The following AGMO variants were observed in gnomAD, a reference collection of about 807,000 sequenced individuals.
The protein encoded by AGMO is glyceryl-ether monooxygenase.
A neutral mutation model predicts 60.2 loss-of-function variants in AGMO; 75 were observed. The ratio of observed to expected loss-of-function variants is 1.25; its 90% CI spans 1.03 to 1.51. The LOEUF (loss-of-function observed/expected upper bound fraction) is 1.51, where lower values mean the gene tolerates loss of function less well. Among genes scored for constraint, AGMO ranks in the 40% most tolerant of loss-of-function variants. AGMO has a pLI of 0.00. For missense variants in AGMO, 763 were observed against 525.5 expected, an observed-to-expected ratio of 1.45 and a Z score of -4.42; for synonymous variants, 261 against 177.1, an observed-to-expected ratio of 1.47 and a Z score of -3.76.
chr7:15,280,698 T>C lies in AGMO; in HGVS notation c.1264-79339A>G, dbSNP rs552652289. On this transcript the variant is annotated intron_variant, in intron 12 of 12. Transcript: ENST00000342526. The stretch of plus-strand genomic sequence containing the variant: ...CCAACCAACACGGTCCATCACAGCA[T>C]CTCTGGGTAGAATAACCTACACCCA... Among the ~76,000 whole-genome samples, 12 of 152,296 alleles carry C rather than the reference T, an allele frequency of 7.9e-5. No homozygotes were observed. The South Asian group carries it at 2.5e-3, about 32-fold the overall frequency.
At chr7:15,273,988 G>A (rs1783701559) in intron 12 of AGMO, among the ~76,000 whole-genome samples, 1 of 152,114 alleles carries the variant, frequency 6.6e-6, no homozygotes, top group South Asian at 2.1e-4. Flanking sequence ...CTGAGACTTT[G>A]CTGAAGTTAC....
chr7:15,313,206 T>A (rs898308033), intron 12 of AGMO, among the ~76,000 whole-genome samples: 5 of 152,222 alleles, frequency 3.3e-5, no homozygotes, highest in Admixed American at 6.5e-5. Flanking sequence ...TGTTTCTCAC[T>A]GATCCCCTGT....
chr7:15,489,496 C>A (rs78682844), intron 3 of AGMO, among the ~76,000 whole-genome samples: 3,898 of 152,214 alleles, frequency 0.026, 73 homozygotes, highest in Middle Eastern at 0.048. Flanking sequence ...GTCCTCCCTC[C>A]AACCTGCACG....
intron 5 of AGMO, among the ~76,000 whole-genome samples, chr7:15,416,272 G>C (rs1780766799): frequency 6.6e-6 from 1 of 151,998 alleles, no homozygotes; most frequent in East Asian, 1.9e-4. Flanking sequence ...GACCTCAGGT[G>C]ATCTGCCCGC....
At chr7:15,453,882 T>G (rs1471763438) in intron 3 of AGMO, among the ~76,000 whole-genome samples, 1 of 150,998 alleles carries the variant, frequency 6.6e-6, no homozygotes, top group Non-Finnish European at 1.5e-5. Context: ...GGATTGTTTT[T>G]AAAATATATA....
intron 12 of AGMO, among the ~76,000 whole-genome samples, chr7:15,265,288 G>A (rs1007195877): frequency 6.6e-6 from 1 of 151,982 alleles, no homozygotes; most frequent in Non-Finnish European, 1.5e-5. Flanking sequence ...TTAGATGGGG[G>A]ATGGAGAGAG....
In AGMO at chr7:15,386,775, T is replaced by C. The variant is rs536064928; in HGVS notation, c.957+631A>G. Among the ~76,000 whole-genome samples, 261 of 152,342 alleles carry C rather than the reference T, an allele frequency of 1.7e-3. 1 individual carries two copies. Among genetic ancestry groups the C allele is most frequent in the Middle Eastern group, 6.8e-3 (2 of 294 alleles). ...TTATTTGATAAGAAATCACAACTTA[T>C]ATTCTAAATGATTAAAAAGCACCTT... On this transcript the variant is annotated intron_variant, in intron 9 of 12. Coordinates refer to ENST00000342526, the MANE Select transcript of AGMO (RefSeq NM_001004320.2).
At chr7:15,376,340 G>A (rs1783449276) in intron 10 of AGMO, among the ~76,000 whole-genome samples, 1 of 151,948 alleles carries the variant, frequency 6.6e-6, no homozygotes, top group African/African-American at 2.4e-5. Context: ...TGTGCAGGTG[G>A]CACTCTCTGC....
the AGMO span, among the ~76,000 whole-genome samples, chr7:15,141,540 C>T: frequency 4.6e-5 from 7 of 152,120 alleles, no homozygotes; most frequent in Non-Finnish European, 7.3e-5. Flanking sequence ...GAGCAGTGAT[C>T]GTGCCACTGT....
At chr7:15,226,452 T>G (rs568637470) in intron 12 of AGMO, among the ~76,000 whole-genome samples, 1 of 152,110 alleles carries the variant, frequency 6.6e-6, no homozygotes, top group African/African-American at 2.4e-5. Context: ...AATGAGAAAA[T>G]AGTAGATACA....
At chr7:15,555,746 A>G (rs1458582297) in intron 2 of AGMO, among the ~76,000 whole-genome samples, 3 of 152,028 alleles carry the variant, frequency 2.0e-5, no homozygotes, top group Non-Finnish European at 4.4e-5. Context: ...ACTAATAAGC[A>G]GTGAACCTTG....
At chr7:15,387,627 C>A in intron 8 of AGMO, 87 bp from the exon 9 acceptor site, 5 of 1,241,320 alleles carry the variant, frequency 4.0e-6, no homozygotes, top group Admixed American at 2.5e-5. Context: ...TTTTATTGTT[C>A]AAGGTAATTT....
intron 12 of AGMO, among the ~76,000 whole-genome samples, chr7:15,272,963 G>A (rs1278725023): frequency 6.6e-6 from 1 of 152,062 alleles, no homozygotes; most frequent in Non-Finnish European, 1.5e-5. Flanking sequence ...CATATCCTTT[G>A]CCCACTTTTT....
chr7:15,342,829 ACTT>A (rs1563097984), intron 12 of AGMO, among the ~76,000 whole-genome samples: 31 of 148,668 alleles, frequency 2.1e-4, no homozygotes, highest in African/African-American at 7.0e-4. Flanking sequence ...TACCTCTACA[ACTT>A]ATGACTATAT....
At chr7:15,528,029 G>A (rs1784170406) in intron 3 of AGMO, among the ~76,000 whole-genome samples, 1 of 152,096 alleles carries the variant, frequency 6.6e-6, no homozygotes, top group Non-Finnish European at 1.5e-5. Context: ...ATGTTTTGAT[G>A]CCTGCTAACA....
At chr7:15,181,835 G>A in the AGMO span, among the ~76,000 whole-genome samples, 1 of 152,088 alleles carries the variant, frequency 6.6e-6, no homozygotes, top group Non-Finnish European at 1.5e-5. Flanking sequence ...ATAGAACTCA[G>A]GGATTTCCAA....
At chr7:15,257,944 G>A (rs1408803585) in intron 12 of AGMO, among the ~76,000 whole-genome samples, 1 of 152,144 alleles carries the variant, frequency 6.6e-6, no homozygotes, top group Non-Finnish European at 1.5e-5. Context: ...ATTTTATGGA[G>A]TCTTTTCTTT....
chr7:15,398,794 A>T (rs554180474), intron 5 of AGMO, among the ~76,000 whole-genome samples: 1 of 152,246 alleles, frequency 6.6e-6, no homozygotes, highest in African/African-American at 2.4e-5. Context: ...ATAGTCCAAT[A>T]CTTCATTATT....
At chr7:15,118,669 T>C in the AGMO span, among the ~76,000 whole-genome samples, 2 of 152,066 alleles carry the variant, frequency 1.3e-5, no homozygotes, top group Non-Finnish European at 2.9e-5. Flanking sequence ...ATAATTTGCC[T>C]TTGTCAACCA....
Sources: gnomAD v4.1 joint callset for allele counts (sites outside exome capture counted in the v4.1 genomes callset) on GRCh38, gnomAD v4.1.1 for gene constraint, MANE v1.5 for transcripts, NCBI Gene and HGNC (gene_info 2026-07-23, HGNC 2026-07-21) for gene names.